The following ZDHHC15 variants were observed in gnomAD, a reference collection of about 807,000 sequenced individuals.
ZDHHC15 encodes zDHHC palmitoyltransferase 15, also known as palmitoyltransferase ZDHHC15.
Under a neutral mutation model 31.7 loss-of-function variants are expected in ZDHHC15, and 19 were observed. The observed-to-expected ratio is 0.60, with a 90% confidence interval of 0.42 to 0.88. The LOEUF is 0.88. Among genes scored for constraint, ZDHHC15 ranks in the 40% least tolerant of loss-of-function variants. The pLI is 0.00. For synonymous variants in ZDHHC15, 103 were observed against 90.0 expected (o/e 1.14, Z -0.82); for missense variants, 209 against 251.2 (o/e 0.83, Z 1.14).
At chrX:75,390,554 C>A (rs760297036) in intron 10 of ZDHHC15, among the ~76,000 whole-genome samples, 2 of 111,514 alleles carry the variant, frequency 1.8e-5, no homozygotes, top group Non-Finnish European at 3.8e-5. Flanking sequence ...GAACGAGAGC[C>A]TCTGTCTGGT....
intron 4 of ZDHHC15, among the ~76,000 whole-genome samples, chrX:75,438,085 T>G (rs1230466178): frequency 3.6e-5 from 4 of 111,902 alleles, no homozygotes; most frequent in African/African-American, 1.3e-4. Context: ...TGAGATACCA[T>G]CTCACACCTG....
At chrX:75,405,169 C>G (rs765070112) in intron 10 of ZDHHC15, among the ~76,000 whole-genome samples, 1 of 111,118 alleles carries the variant, frequency 9.0e-6, no homozygotes, top group Admixed American at 9.6e-5. Flanking sequence ...TAAGTGGGAG[C>G]TAAATGATGA....
At position 75,404,061 on chromosome X, in the gene ZDHHC15, G is replaced by A. The variant is rs181208632; in HGVS notation, c.967+13026C>T. Among the ~76,000 whole-genome samples the A allele has an allele frequency of 3.6e-3, 406 of 111,503 alleles. 3 individuals are homozygous for A. The highest frequency in any genetic ancestry group is 9.2e-3 in the Middle Eastern group (2 of 217). ...CCAAAGGAACACAATAGAGAGCCCA[G>A]AAATAAGGCTGCACATCTATGAACA... On this transcript the variant is annotated intron_variant, in intron 10 of 11. Coordinates refer to ENST00000373367, the MANE Select transcript of ZDHHC15 (RefSeq NM_144969.3).
intron 3 of ZDHHC15, among the ~76,000 whole-genome samples, chrX:75,454,539 C>A (rs1569338188): frequency 9.0e-6 from 1 of 111,603 alleles, no homozygotes. Context: ...AACTAGTTTA[C>A]AGTCCCACCA....
At chrX:75,435,323 T>C (rs1436842562) in intron 4 of ZDHHC15, among the ~76,000 whole-genome samples, 1 of 111,823 alleles carries the variant, frequency 8.9e-6, no homozygotes, top group African/African-American at 3.3e-5. Flanking sequence ...TTCATTTGGA[T>C]GTCCTTTATT....
rs372072597 is a variant in ZDHHC15 at position 75,511,708 on chromosome X, A to C, written c.137-5861T>G. On this transcript the variant is annotated intron_variant, in intron 1 of 11. Coordinates refer to ENST00000373367, the MANE Select transcript of ZDHHC15 (RefSeq NM_144969.3). ...TTCACAGCCGAATTCTACCAGAGGT[A>C]CAAGGAGGAACTGGTACCATTCCTT... Among the ~76,000 whole-genome samples, 16 of 102,931 alleles carry C rather than the reference A, an allele frequency of 1.6e-4. 1 individual carries two copies. The East Asian group carries it at 1.9e-3, about 12-fold the overall frequency. 89.4% of individuals were successfully genotyped at this position (102,931 alleles called of 115,157 possible).
intron 10 of ZDHHC15, chrX:75,384,445 T>G (rs1020415654): frequency 1.1e-6 from 1 of 889,769 alleles, no homozygotes; most frequent in African/African-American, 2.0e-5. Context: ...TATGCAAATC[T>G]ATAAGAAAGG....
chrX:75,496,287 G>A (rs916571082), intron 2 of ZDHHC15, among the ~76,000 whole-genome samples: 1 of 111,255 alleles, frequency 9.0e-6, no homozygotes, highest in African/African-American at 3.3e-5. Context: ...GAAAAATTTA[G>A]GGCAATAGGA....
intron 5 of ZDHHC15, 81 bp from the exon 6 acceptor site, chrX:75,430,061 C>T (rs954658344): frequency 9.5e-7 from 1 of 1,052,516 alleles, no homozygotes; most frequent in African/African-American, 1.9e-5. Flanking sequence ...CAAGGTTTCA[C>T]CAGTATTTTT....
At chrX:75,489,181 C>A (rs1207175123) in intron 2 of ZDHHC15, among the ~76,000 whole-genome samples, 1 of 111,981 alleles carries the variant, frequency 8.9e-6, no homozygotes, top group Non-Finnish European at 1.9e-5. Flanking sequence ...CACAGACAAA[C>A]AAAAGGCAGC....
At chrX:75,440,841 G>T (rs2083930478) in intron 4 of ZDHHC15, among the ~76,000 whole-genome samples, 2 of 111,771 alleles carry the variant, frequency 1.8e-5, no homozygotes, top group South Asian at 3.7e-4. Flanking sequence ...CTTGTGTGGG[G>T]CTTGCTATGG....
intron 10 of ZDHHC15, among the ~76,000 whole-genome samples, chrX:75,408,355 T>G (rs2083444404): frequency 8.9e-6 from 1 of 111,769 alleles, no homozygotes; most frequent in Non-Finnish European, 1.9e-5. Context: ...AAAAAGCACA[T>G]GATTATTTCA....
chrX:75,518,976 T>G (rs914315337), intron 1 of ZDHHC15, among the ~76,000 whole-genome samples: 1 of 108,044 alleles, frequency 9.3e-6, no homozygotes, highest in Non-Finnish European at 1.9e-5. Flanking sequence ...TGATTCTATT[T>G]ATATGGAACA....
chrX:75,515,092 C>T (rs369483464), intron 1 of ZDHHC15, among the ~76,000 whole-genome samples: 1 of 110,687 alleles, frequency 9.0e-6, no homozygotes, highest in Non-Finnish European at 1.9e-5. Context: ...AATAGTCTAC[C>T]AACCAAAAAA....
chrX:75,436,590 A>G (rs1426645797), intron 4 of ZDHHC15, among the ~76,000 whole-genome samples: 1 of 112,001 alleles, frequency 8.9e-6, no homozygotes, highest in African/African-American at 3.2e-5. Context: ...TTCATTGTTG[A>G]CTCAACAATC....
chrX:75,501,192 G>C (rs909111471), intron 2 of ZDHHC15, among the ~76,000 whole-genome samples: 3 of 110,520 alleles, frequency 2.7e-5, no homozygotes, highest in Non-Finnish European at 5.7e-5. Context: ...TCACAATTTA[G>C]CTCCCACTTA....
At chrX:75,378,995 C>G (rs754393410) in intron 11 of ZDHHC15, 125 bp downstream of exon 11, 52 of 507,230 alleles carry the variant, frequency 1.0e-4, no homozygotes, top group Non-Finnish European at 1.5e-4. Context: ...GCATGCATTA[C>G]AAGAGTGAAG....
chrX:75,497,402 C>T (rs2085018825), intron 2 of ZDHHC15, among the ~76,000 whole-genome samples: 1 of 111,735 alleles, frequency 8.9e-6, no homozygotes, highest in Admixed American at 9.5e-5. Flanking sequence ...TTCTATCAGA[C>T]ATTCGAAGAA....
At chrX:75,518,388 T>G (rs1016241445) in intron 1 of ZDHHC15, among the ~76,000 whole-genome samples, 4 of 111,035 alleles carry the variant, frequency 3.6e-5, no homozygotes, top group African/African-American at 9.8e-5. Context: ...ATACTCAATA[T>G]TTTTTTCATT....
Sources: gnomAD v4.1 joint callset for allele counts (sites outside exome capture counted in the v4.1 genomes callset) on GRCh38, gnomAD v4.1.1 for gene constraint, MANE v1.5 for transcripts, NCBI Gene and HGNC (gene_info 2026-07-23, HGNC 2026-07-21) for gene names.